The following DCTN4 variants were observed in gnomAD, a reference collection of about 807,000 sequenced individuals.
The protein encoded by DCTN4 is dynactin 4 (p62).
In DCTN4, 23 loss-of-function variants were observed where a neutral mutation model predicts 62.7. The observed-to-expected ratio is 0.37, with a 90% confidence interval of 0.26 to 0.52. DCTN4 has a LOEUF of 0.52. DCTN4 is among the 20% of genes least tolerant of loss of function. The pLI is 0.92. For missense variants in DCTN4, 514 were observed against 580.4 expected, an observed-to-expected ratio of 0.89 and a Z score of 1.18; for synonymous variants, 199 against 202.1, an observed-to-expected ratio of 0.98 and a Z score of 0.13.
At position 150,711,328 on chromosome 5, in the gene DCTN4, T is replaced by C; in HGVS notation, c.1204A>G (p.Ile402Val). 6.2e-7 allele frequency: 1 copy of C among 1,613,134 alleles called. No individual in the cohort carries two copies. Among genetic ancestry groups the C allele is most frequent in the Non-Finnish European group, 8.5e-7 (1 of 1,179,974 alleles). The change falls in exon 13 of 13, where the codon ATT becomes GTT. Residue 402 changes from isoleucine (I) to valine (V), a missense_variant. Physicochemically the swap from Ile to Val is conservative, Grantham distance 29. Coordinates refer to ENST00000447998, the MANE Select transcript of DCTN4 (RefSeq NM_016221.4). ...IAFRKANKVG[I>V]FIKVTPQREE... ...CGCTGTGGTGTAACTTTGATGAAAATACCCACTTTGTTGGCCTTTCTGAAG... is the reference window on the plus strand; with the variant it reads ...CGCTGTGGTGTAACTTTGATGAAAACACCCACTTTGTTGGCCTTTCTGAAG...
At chr5:150,754,133 G>T (rs754779160) in intron 2 of DCTN4, among the ~76,000 whole-genome samples, 1 of 152,232 alleles carries the variant, frequency 6.6e-6, no homozygotes, top group Non-Finnish European at 1.5e-5. Flanking sequence ...TGGTTCAGAA[G>T]CAGCATATTT....
intron 2 of DCTN4, among the ~76,000 whole-genome samples, chr5:150,755,028 A>T (rs1752804817): frequency 6.6e-6 from 1 of 152,136 alleles, no homozygotes; most frequent in Non-Finnish European, 1.5e-5. Flanking sequence ...TAGTACTGGT[A>T]AGAAAATGAT....
At chr5:150,748,979 A>T (rs760180136) in intron 3 of DCTN4, among the ~76,000 whole-genome samples, 7 of 152,146 alleles carry the variant, frequency 4.6e-5, no homozygotes, top group Non-Finnish European at 7.4e-5. Context: ...CAAGACTTAA[A>T]TGTAAGTGTT....
chr5:150,743,007 C>T (rs571397740), intron 3 of DCTN4: 5 of 155,630 alleles, frequency 3.2e-5, no homozygotes, highest in Admixed American at 2.0e-4. Context: ...GTGCGCCAGC[C>T]GAAGCAGGGC....
At chr5:150,711,470 A>AAAACCTATAAACACT (rs1759562528) in intron 12 of DCTN4, 108 bp from the exon 13 acceptor site, 4 of 843,912 alleles carry the variant, frequency 4.7e-6, no homozygotes. Flanking sequence ...GCACACACAG[A>AAAACCTATAAACACT]AAACCTATAA....
At chr5:150,730,863 T>C in intron 7 of DCTN4, 123 bp from the exon 8 acceptor site, 1 of 903,248 alleles carries the variant, frequency 1.1e-6, no homozygotes, top group Admixed American at 2.5e-5. Flanking sequence ...AAAATGAAAA[T>C]ATAGAAAGTT....
intron 5 of DCTN4, among the ~76,000 whole-genome samples, chr5:150,732,756 G>A (rs764859189): frequency 2.0e-5 from 3 of 152,078 alleles, no homozygotes; most frequent in Non-Finnish European, 4.4e-5. Context: ...AATAAAACTC[G>A]GGGTAAAATA....
intron 3 of DCTN4, among the ~76,000 whole-genome samples, chr5:150,746,521 T>C (rs925118573): frequency 2.0e-5 from 3 of 151,202 alleles, no homozygotes; most frequent in African/African-American, 7.3e-5. Context: ...TTGATGAACA[T>C]TGATGCAAAA....
At chr5:150,745,060 GAC>G (rs1760910871) in intron 3 of DCTN4, among the ~76,000 whole-genome samples, 1 of 150,584 alleles carries the variant, frequency 6.6e-6, no homozygotes, top group Non-Finnish European at 1.5e-5. Context: ...CACATGCAGA[GAC>G]ACACACAGGC....
At chr5:150,727,080 T>C (rs991371699) in intron 8 of DCTN4, among the ~76,000 whole-genome samples, 20 of 152,192 alleles carry the variant, frequency 1.3e-4, no homozygotes, top group Middle Eastern at 3.4e-3. Context: ...ACAAGGATAA[T>C]GGCGGGGAGG....
intron 3 of DCTN4, among the ~76,000 whole-genome samples, chr5:150,744,556 C>T (rs1760890341): frequency 6.6e-6 from 1 of 152,096 alleles, no homozygotes; most frequent in African/African-American, 2.4e-5. Flanking sequence ...TCAGGTTACC[C>T]ACAAAGGGAA....
At chr5:150,726,165 C>T (rs923821778) in intron 8 of DCTN4, among the ~76,000 whole-genome samples, 2 of 152,022 alleles carry the variant, frequency 1.3e-5, no homozygotes, top group African/African-American at 4.8e-5. Context: ...AAATAACTGT[C>T]TAATTTTGAG....
chr5:150,740,901 A>G (rs1760743991), intron 4 of DCTN4, among the ~76,000 whole-genome samples: 1 of 152,144 alleles, frequency 6.6e-6, no homozygotes, highest in African/African-American at 2.4e-5. Context: ...ACTCAGGGGG[A>G]AAGCTGGGAA....
At chr5:150,758,444 A>G (rs1449089409) in intron 1 of DCTN4, 1 of 991,982 alleles carries the variant, frequency 1.0e-6, no homozygotes, top group African/African-American at 1.7e-5. Flanking sequence ...GAGGAACAGA[A>G]CTTTCAGGAT....
intron 5 of DCTN4, 120 bp downstream of exon 5, chr5:150,733,248 G>A (rs1760450967): frequency 1.6e-6 from 1 of 616,528 alleles, no homozygotes; most frequent in Non-Finnish European, 2.8e-6. Flanking sequence ...TCTATAATTT[G>A]AAGAATCCCT....
In DCTN4 at chr5:150,730,675, G is replaced by C. The variant is rs768419792; in HGVS notation, c.790C>G (p.Pro264Ala). The change falls in exon 8 of 13, where the codon CCT becomes GCT. Residue 264 changes from proline (P) to alanine (A), a missense_variant. Transcript: ENST00000447998. ...TTGATCAGAAGATGTTTGTGGCGAG[G>C]ATAGAGCTGTGAAGCACAGACTGGC... ...FQPVCASQLY[P>A]RHKHLLIKRS... 4 of 1,614,098 alleles carry C rather than the reference G, an allele frequency of 2.5e-6. No homozygotes were observed. In the South Asian group the frequency reaches 3.3e-5, roughly 13 times the overall value.
At chr5:150,757,436 C>T (rs988433111) in intron 1 of DCTN4, among the ~76,000 whole-genome samples, 3 of 152,192 alleles carry the variant, frequency 2.0e-5, no homozygotes, top group Non-Finnish European at 2.9e-5. Context: ...AGAGCTTCAT[C>T]TTTCCCTAAA....
chr5:150,720,434 T>C (rs1759917096), intron 9 of DCTN4, among the ~76,000 whole-genome samples: 2 of 150,966 alleles, frequency 1.3e-5, no homozygotes, highest in African/African-American at 4.9e-5. Flanking sequence ...ACCCCACTTC[T>C]AAGAATTTGA....
intron 8 of DCTN4, among the ~76,000 whole-genome samples, chr5:150,728,326 T>C (rs941860246): frequency 1.1e-4 from 17 of 152,210 alleles, no homozygotes; most frequent in Admixed American, 2.0e-4. Context: ...CAGTATATAA[T>C]CAACCTTTAT....
Sources: allele counts gnomAD v4.1 joint callset (sites outside exome capture counted in the v4.1 genomes callset), GRCh38; gene constraint gnomAD v4.1.1; transcripts MANE v1.5; gene names NCBI Gene and HGNC (gene_info 2026-07-23, HGNC 2026-07-21).